Variants in MCTP1 observed in about 807,000 individuals in gnomAD.
MCTP1 encodes the protein multiple C2 and transmembrane domain-containing protein 1.
MCTP1 carries 69 observed loss-of-function variants against 120.6 expected under a neutral mutation model. The observed-to-expected ratio is 0.57, with a 90% CI of 0.47 to 0.70. The LOEUF (loss-of-function observed/expected upper bound fraction) is 0.70, where lower values mean the gene tolerates loss of function less well. Ranked by LOEUF, MCTP1 falls within the 30% of genes least tolerant of loss-of-function variation. The pLI, the probability that MCTP1 is intolerant of heterozygous loss-of-function variation, is 0.00. For synonymous variants in MCTP1, 529 were observed against 493.1 expected (o/e 1.07, Z -0.96); for missense variants, 1,203 against 1,248.8 (o/e 0.96, Z 0.55).
chr5:94,738,790 T>C (rs1479872924), intron 19 of MCTP1, among the ~76,000 whole-genome samples: 1 of 152,194 alleles, frequency 6.6e-6, no homozygotes, highest in Admixed American at 6.5e-5. Flanking sequence ...GCGATTGTTG[T>C]GTGTTTTAAA....
rs184331448 is a variant in MCTP1, at chr5:94,956,308, A to C, written c.839-2947T>G. On this transcript the variant is annotated intron_variant, in intron 2 of 22. Transcript: ENST00000515393. ...GTAGATGAATCCACAAAGATGAGGA[A>C]AAAAACAGCGCAAAAAGGCTGAAAA... Among the ~76,000 whole-genome samples the C allele has an allele frequency of 4.6e-3, 653 of 143,034 alleles. 21 individuals carry two copies. The highest frequency in any genetic ancestry group is 0.042 in the Admixed American group (593 of 14,228). The allele number at this position is 143,034 out of a possible 152,430, so 93.8% of individuals were successfully genotyped here. A position where few individuals can be genotyped will look rare whatever the true frequency, so the allele number is the denominator to read the frequency against.
In MCTP1 at chr5:95,284,701, C is replaced by A; in HGVS notation, c.-126G>T. Reference sequence around the variant, plus strand: ...CGGTGGCGGCGGCGGCGGCGGCGGGCGCAGCAGCAGAAACCGGGAGTGCCC... The same window carrying A: ...CGGTGGCGGCGGCGGCGGCGGCGGGAGCAGCAGCAGAAACCGGGAGTGCCC... On this transcript the variant is annotated 5_prime_UTR_variant, in exon 1 of 23. Transcript: ENST00000515393. This position sits in a 1 kb window ranked among gnomAD's most constrained non-coding sequence, Gnocchi z 5.2. 1 of 804,086 alleles carries A rather than the reference C, an allele frequency of 1.2e-6. No individual in the cohort carries two copies. Among genetic ancestry groups the A allele is most frequent in the Non-Finnish European group, 1.8e-6 (1 of 556,532 alleles). 49.8% of individuals were successfully genotyped at this position (804,086 alleles called of 1,614,324 possible). A position where few individuals can be genotyped will look rare whatever the true frequency, so the allele number is the denominator to read the frequency against.
chr5:94,890,150 A>G (rs1802262186), intron 11 of MCTP1, among the ~76,000 whole-genome samples: 1 of 152,114 alleles, frequency 6.6e-6, no homozygotes, highest in Non-Finnish European at 1.5e-5. Flanking sequence ...CGGCATGTGC[A>G]ACCATACTTG....
chr5:95,110,388 A>G (rs1393381829), intron 1 of MCTP1, among the ~76,000 whole-genome samples: 1 of 151,936 alleles, frequency 6.6e-6, no homozygotes, highest in Admixed American at 6.6e-5. Context: ...ATAGGAGGAG[A>G]CTGTCTTCTC....
chr5:94,749,286 G>A (rs1301163933), intron 19 of MCTP1, among the ~76,000 whole-genome samples: 1 of 152,090 alleles, frequency 6.6e-6, no homozygotes, highest in Non-Finnish European at 1.5e-5. Flanking sequence ...CTTATTAGGT[G>A]GTATCCCCTG....
At chr5:94,784,990 T>C (rs1580676909) in intron 18 of MCTP1, 1 of 152,244 alleles carries the variant, frequency 6.6e-6, no homozygotes, top group South Asian at 2.1e-4. Flanking sequence ...TTTTGATGCA[T>C]GCCACTGATT....
At chr5:94,842,295 C>G (rs1235181048) in intron 17 of MCTP1, among the ~76,000 whole-genome samples, 2 of 152,130 alleles carry the variant, frequency 1.3e-5, no homozygotes, top group African/African-American at 4.8e-5. Flanking sequence ...TATTAGTATT[C>G]CAGCAAAGAA....
chr5:94,830,854 T>C (rs1788360561), intron 17 of MCTP1, among the ~76,000 whole-genome samples: 1 of 152,174 alleles, frequency 6.6e-6, no homozygotes, highest in African/African-American at 2.4e-5. Context: ...GAATGGTGAA[T>C]AAACACTGCA....
intron 1 of MCTP1, among the ~76,000 whole-genome samples, chr5:95,022,229 A>G (rs920826453): frequency 5.3e-5 from 8 of 152,194 alleles, no homozygotes; most frequent in African/African-American, 1.9e-4. Context: ...ATTACTTTCA[A>G]TGCAATTACT....
At chr5:95,026,673 G>T (rs1183056678) in intron 1 of MCTP1, among the ~76,000 whole-genome samples, 2 of 152,126 alleles carry the variant, frequency 1.3e-5, no homozygotes, top group South Asian at 4.1e-4. Context: ...ACTGTACAGT[G>T]GGGGAGGGGT....
At chr5:94,741,512 A>G (rs1211854911) in intron 19 of MCTP1, among the ~76,000 whole-genome samples, 3 of 152,228 alleles carry the variant, frequency 2.0e-5, no homozygotes, top group Admixed American at 6.5e-5. Flanking sequence ...ATAGAGTCCA[A>G]TACAAAATCA....
At chr5:94,782,073 A>C (rs1776694195) in intron 18 of MCTP1, among the ~76,000 whole-genome samples, 1 of 152,124 alleles carries the variant, frequency 6.6e-6, no homozygotes, top group African/African-American at 2.4e-5. Context: ...AAGGTGCCTT[A>C]GAAAATGGAG....
chr5:94,818,123 T>C (rs186012814), intron 17 of MCTP1, among the ~76,000 whole-genome samples: 50 of 152,328 alleles, frequency 3.3e-4, no homozygotes, highest in Non-Finnish European at 6.6e-4. Flanking sequence ...AAGATATTTA[T>C]GGCCACTTAC....
chr5:94,830,643 T>C lies in MCTP1; in HGVS notation c.2437-31511A>G, dbSNP rs564087802. Among the ~76,000 whole-genome samples the C allele has an allele frequency of 3.3e-5, 5 of 152,304 alleles. No homozygotes were observed. The East Asian group carries it at 5.8e-4, about 18-fold the overall frequency. ...TCCTATTTAATTCCAGCATCTCCAA[T>C]ATGAGAATTCATATATCTGACTAAG... is the stretch of plus-strand genomic sequence containing the variant. On this transcript the variant is annotated intron_variant, in intron 17 of 22. Coordinates refer to ENST00000515393, the MANE Select transcript of MCTP1 (RefSeq NM_024717.7).
intron 1 of MCTP1, among the ~76,000 whole-genome samples, chr5:95,249,044 A>G (rs559716794): frequency 6.6e-6 from 1 of 152,338 alleles, no homozygotes; most frequent in East Asian, 1.9e-4. Flanking sequence ...TGTAAGACCT[A>G]ACACCATAAA....
At chr5:94,728,664 C>T (rs1762564451) in intron 19 of MCTP1, among the ~76,000 whole-genome samples, 1 of 152,176 alleles carries the variant, frequency 6.6e-6, no homozygotes, top group African/African-American at 2.4e-5. Context: ...AAGCAACTGG[C>T]ATGCTAATAG....
At chr5:95,159,563 C>T (rs937901255) in intron 1 of MCTP1, among the ~76,000 whole-genome samples, 1 of 152,108 alleles carries the variant, frequency 6.6e-6, no homozygotes, top group Non-Finnish European at 1.5e-5. Flanking sequence ...TACTAAGACA[C>T]AACAATGGTT....
chr5:94,883,879 T>A (rs1486631089), intron 12 of MCTP1, among the ~76,000 whole-genome samples: 1 of 152,200 alleles, frequency 6.6e-6, no homozygotes, highest in African/African-American at 2.4e-5. Flanking sequence ...AAAGTTAATT[T>A]TTTTAAAAGG....
At chr5:95,061,947 A>G (rs1347854401) in intron 1 of MCTP1, among the ~76,000 whole-genome samples, 8 of 152,198 alleles carry the variant, frequency 5.3e-5, no homozygotes, top group Non-Finnish European at 5.9e-5. Flanking sequence ...GGCTTTGATT[A>G]CAGGCTGACT....
Sources: gnomAD v4.1 joint callset for allele counts (sites outside exome capture counted in the v4.1 genomes callset) on GRCh38, gnomAD v4.1.1 for gene constraint, Gnocchi (gnomAD v3.1) non-coding constraint, MANE v1.5 for transcripts, NCBI Gene and HGNC (gene_info 2026-07-23, HGNC 2026-07-21) for gene names.